ZBTB8A: variants seen among roughly 807,000 people sequenced by gnomAD.
The protein encoded by ZBTB8A is zinc finger and BTB domain-containing protein 8A.
In ZBTB8A, 19 loss-of-function variants were observed where a neutral mutation model predicts 37.8. The observed-to-expected ratio is 0.50, with a 90% CI of 0.35 to 0.74. The LOEUF (loss-of-function observed/expected upper bound fraction) is 0.74, where lower values mean the gene tolerates loss of function less well. Among genes scored for constraint, ZBTB8A ranks in the 30% least tolerant of loss-of-function variants. The pLI is 0.01. For synonymous variants in ZBTB8A, 181 were observed against 185.2 expected (o/e 0.98, Z 0.19); for missense variants, 394 against 537.8 (o/e 0.73, Z 2.65).
chr1:32,579,945 C>G (rs1423727056), intron 2 of ZBTB8A, among the ~76,000 whole-genome samples: 1 of 152,104 alleles, frequency 6.6e-6, no homozygotes, highest in East Asian at 1.9e-4. Flanking sequence ...CTTATTATTT[C>G]TAATATTCAC....
intron 1 of ZBTB8A, among the ~76,000 whole-genome samples, chr1:32,552,975 A>T (rs1048024947): frequency 1.3e-5 from 2 of 149,748 alleles, no homozygotes; most frequent in African/African-American, 4.9e-5. Context: ...ATTTTCTATT[A>T]ACTATTATTA....
At chr1:32,560,622 T>C (rs1243360532) in intron 2 of ZBTB8A, among the ~76,000 whole-genome samples, 1 of 136,712 alleles carries the variant, frequency 7.3e-6, no homozygotes, top group Non-Finnish European at 1.6e-5. Flanking sequence ...TTTCTTTTTT[T>C]TTTTTTTTTT....
At position 32,549,807 on chromosome 1, in the gene ZBTB8A, C is replaced by G. The variant is rs78862196; in HGVS notation, c.-83-3652C>G. On this transcript the variant is annotated intron_variant, in intron 1 of 4. Transcript: ENST00000373510. ...CCTGAACTCCTACCAAATAGTGACT[C>G]CTGTCTTCACCATGTTTGTCTTTTG... Among the ~76,000 whole-genome samples the G allele has an allele frequency of 3.6e-3, 542 of 152,302 alleles. 7 individuals carry two copies. In the East Asian group the frequency reaches 0.043, roughly 12 times the overall value.
rs538503917 is a variant in ZBTB8A at position 32,591,817 on chromosome 1, G to A, written c.-1-1114G>A. 8.6e-5 allele frequency among the ~76,000 whole-genome samples: 13 copies of A among 151,788 alleles called. 1 individual carries two copies. Among genetic ancestry groups the A allele is most frequent in the Admixed American group, 6.6e-5 (1 of 15,212 alleles). On this transcript the variant is annotated intron_variant, in intron 2 of 4. Coordinates refer to ENST00000373510, the MANE Select transcript of ZBTB8A (RefSeq NM_001040441.3). ...AAGTAATTTTCTAAAATCTAATAAC[G>A]GTCTAGTTGTTTTTTTGTTTTTTGT...
At chr1:32,575,393 A>G (rs1460912367) in intron 2 of ZBTB8A, among the ~76,000 whole-genome samples, 1 of 151,204 alleles carries the variant, frequency 6.6e-6, no homozygotes, top group South Asian at 2.1e-4. Flanking sequence ...CACCTGGCTA[A>G]TTTTTGTATT....
chr1:32,557,891 C>A (rs948428450), intron 2 of ZBTB8A, among the ~76,000 whole-genome samples: 3 of 152,178 alleles, frequency 2.0e-5, no homozygotes, highest in Non-Finnish European at 1.5e-5. Context: ...AATATACTGA[C>A]TTCATGCTCA....
chr1:32,599,393 A>G (rs779937373), intron 4 of ZBTB8A, among the ~76,000 whole-genome samples: 18 of 152,102 alleles, frequency 1.2e-4, no homozygotes, highest in Admixed American at 2.6e-4. Context: ...ACTACACCGT[A>G]GCCTGGGTGA....
chr1:32,584,504 CTTTCTTTTTT>C (rs1480346655), intron 2 of ZBTB8A, among the ~76,000 whole-genome samples: 175 of 137,472 alleles, frequency 1.3e-3, no homozygotes, highest in African/African-American at 4.3e-3. Context: ...TTCTTTCTTT[CTTTCTTTTTT>C]TTTTTTTTTT....
Position 32,593,267 on chromosome 1 carries a change from T to C in ZBTB8A, c.336T>C (p.Ser112=), listed in dbSNP as rs1298928604. The change falls in exon 3 of 5, where the codon AGT becomes AGC. Residue 112 remains serine (S), a synonymous_variant. Transcript: ENST00000373510. ...TCCTTCAGATGACTGATGTCATAAG[T>C]GTATGTAAGACTTTTATTAAATCTT... is the stretch of plus-strand genomic sequence containing the variant. ...ASFLQMTDVI[S]VCKTFIKSSL... is the part of the protein sequence containing the mutation. The C allele has an allele frequency of 1.4e-5, 23 of 1,614,018 alleles. No individual in the cohort carries two copies. Among genetic ancestry groups the C allele is most frequent in the Non-Finnish European group, 1.9e-5 (23 of 1,180,034 alleles).
intron 2 of ZBTB8A, among the ~76,000 whole-genome samples, chr1:32,577,869 C>T (rs1644374834): frequency 6.6e-6 from 1 of 151,850 alleles, no homozygotes; most frequent in Admixed American, 6.6e-5. Flanking sequence ...AGGTGTGAGC[C>T]ACTTCACTTG....
chr1:32,589,582 G>A (rs1369326130), intron 2 of ZBTB8A, among the ~76,000 whole-genome samples: 1 of 130,844 alleles, frequency 7.6e-6, no homozygotes, highest in African/African-American at 2.9e-5. Flanking sequence ...TGCAGTCTCA[G>A]TCTGTTGCCC....
Position 32,581,580 on chromosome 1 carries a change from G to C in ZBTB8A, c.-1-11351G>C, listed in dbSNP as rs563029081. ...TTGGCCAGGCTGGTCTCAAACTCCT[G>C]ACCTCAGGTGATCCACCCGCCTCGG... On this transcript the variant is annotated intron_variant, in intron 2 of 4. Transcript: ENST00000373510. 1.1e-4 allele frequency among the ~76,000 whole-genome samples: 17 copies of C among 151,870 alleles called. No individual in the cohort carries two copies. In the East Asian group the frequency reaches 3.3e-3, roughly 29 times the overall value.
chr1:32,568,237 A>G lies in ZBTB8A; in HGVS notation c.-2+14697A>G, dbSNP rs555549942. On this transcript the variant is annotated intron_variant, in intron 2 of 4. Transcript: ENST00000373510. The stretch of plus-strand genomic sequence containing the variant: ...TGTTCGACATATGTTCATATGTAAT[A>G]ATCACCATAAATAATACATGAAACA... Among the ~76,000 whole-genome samples, 3 of 152,310 alleles carry G rather than the reference A, an allele frequency of 2.0e-5. No individual in the cohort carries two copies. In the South Asian group the frequency reaches 6.2e-4, roughly 32 times the overall value.
intron 1 of ZBTB8A, among the ~76,000 whole-genome samples, chr1:32,543,643 A>T (rs1441913466): frequency 1.3e-5 from 2 of 152,096 alleles, no homozygotes; most frequent in African/African-American, 4.8e-5. Flanking sequence ...TAAATAAAAT[A>T]TGTATTTTTT....
intron 2 of ZBTB8A, among the ~76,000 whole-genome samples, chr1:32,558,851 G>A (rs939821721): frequency 6.6e-6 from 1 of 152,166 alleles, no homozygotes; most frequent in African/African-American, 2.4e-5. Flanking sequence ...AATTATAACA[G>A]CGGTTCATAT....
intron 1 of ZBTB8A, among the ~76,000 whole-genome samples, chr1:32,547,899 C>T (rs1351807968): frequency 8.0e-5 from 12 of 149,544 alleles, no homozygotes; most frequent in South Asian, 6.4e-4. Context: ...TTTGGGAGGC[C>T]GAGGCAGGTG....
intron 1 of ZBTB8A, among the ~76,000 whole-genome samples, chr1:32,548,826 A>G (rs1275652978): frequency 6.6e-6 from 1 of 152,134 alleles, no homozygotes; most frequent in Non-Finnish European, 1.5e-5. Flanking sequence ...AATATTCTCC[A>G]TCTCGCAGCT....
chr1:32,588,280 C>T (rs915749268), intron 2 of ZBTB8A, among the ~76,000 whole-genome samples: 2 of 152,018 alleles, frequency 1.3e-5, no homozygotes, highest in Non-Finnish European at 2.9e-5. Context: ...TGGGACCGAG[C>T]CTTCAACCTG....
At chr1:32,596,375 A>G (rs1285913208) in intron 4 of ZBTB8A, among the ~76,000 whole-genome samples, 1 of 151,176 alleles carries the variant, frequency 6.6e-6, no homozygotes, top group African/African-American at 2.4e-5. Context: ...ATCTCAAAAA[A>G]AAAAAAAAGA....
Sources: allele counts gnomAD v4.1 joint callset (sites outside exome capture counted in the v4.1 genomes callset), GRCh38; gene constraint gnomAD v4.1.1; transcripts MANE v1.5; gene names NCBI Gene and HGNC (gene_info 2026-07-23, HGNC 2026-07-21).